The following TRAPPC10 variants were observed in gnomAD, a reference collection of about 807,000 sequenced individuals.
The protein encoded by TRAPPC10 is trafficking protein particle complex subunit 10.
In TRAPPC10, 23 loss-of-function variants were observed where a neutral mutation model predicts 125.5. That is an observed-to-expected ratio of 0.18 (90% confidence interval 0.13 to 0.26). The LOEUF (loss-of-function observed/expected upper bound fraction) is 0.26, where lower values mean the gene tolerates loss of function less well. TRAPPC10 is among the 10% of genes least tolerant of loss of function. TRAPPC10 has a pLI of 1.00. For missense variants in TRAPPC10, 1,123 were observed against 1,308.4 expected (o/e 0.86, Z 2.19); for synonymous variants, 509 against 518.0 (o/e 0.98, Z 0.24).
At chr21:44,034,755 A>C (rs957809401) in intron 2 of TRAPPC10, among the ~76,000 whole-genome samples, 1 of 152,206 alleles carries the variant, frequency 6.6e-6, no homozygotes, top group Admixed American at 6.5e-5. Flanking sequence ...GAATCCAATG[A>C]CAAGTGTCCT....
intron 11 of TRAPPC10, 70 bp from the exon 12 acceptor site, chr21:44,079,494 G>A: frequency 5.9e-6 from 9 of 1,525,640 alleles, no homozygotes; most frequent in Non-Finnish European, 7.9e-6. Flanking sequence ...GCCAAAGCGG[G>A]AGAGATGGGG....
chr21:44,055,212 T>A (rs2035491752), intron 4 of TRAPPC10, among the ~76,000 whole-genome samples: 1 of 152,196 alleles, frequency 6.6e-6, no homozygotes, highest in Non-Finnish European at 1.5e-5. Context: ...CTGTAGAACT[T>A]ACTGCTCGTG....
chr21:44,039,243 C>T (rs977977044), intron 3 of TRAPPC10, among the ~76,000 whole-genome samples: 11 of 152,346 alleles, frequency 7.2e-5, no homozygotes, highest in East Asian at 1.9e-4. Context: ...CACCCATCTC[C>T]GTCAGCCCGT....
intron 6 of TRAPPC10, among the ~76,000 whole-genome samples, chr21:44,061,622 C>T (rs564048422): frequency 5.9e-5 from 9 of 152,210 alleles, no homozygotes; most frequent in African/African-American, 2.2e-4. Context: ...TAGCAAAAAA[C>T]GTTTGAATTT....
At chr21:44,081,696 G>A (rs891309610) in intron 13 of TRAPPC10, among the ~76,000 whole-genome samples, 2 of 152,104 alleles carry the variant, frequency 1.3e-5, no homozygotes, top group African/African-American at 2.4e-5. Flanking sequence ...AGACCAGCCT[G>A]GGCAACATGG....
chr21:44,086,891 A>G lies in TRAPPC10; in HGVS notation c.2470A>G (p.Ser824Gly). Residue 824 changes from serine (S) to glycine (G), a missense_variant, in exon 16 of 23, where the codon AGC (serine) becomes GGC (glycine). Transcript: ENST00000291574. Reference protein sequence around the residue: ...TIKNGDSLQLSNAEAMLILCQ... With the variant: ...TIKNGDSLQLGNAEAMLILCQ... The stretch of plus-strand genomic sequence containing the variant: ...AAAGAATGGAGACAGCCTGCAGCTT[A>G]GCAATGCCGAAGCCATGCTCATCCT... The G allele has an allele frequency of 6.2e-7, 1 of 1,614,212 alleles. No homozygotes were observed. Among genetic ancestry groups the G allele is most frequent in the Non-Finnish European group, 8.5e-7 (1 of 1,180,036 alleles).
In TRAPPC10 at chr21:44,016,034, T is replaced by C. The variant is rs143087975; in HGVS notation, c.67+3474T>C. Among the ~76,000 whole-genome samples the C allele has an allele frequency of 8.5e-5, 13 of 152,342 alleles. No individual in the cohort carries two copies. The East Asian group carries it at 2.5e-3, about 29-fold the overall frequency. ...AGAACTAGTTACAGCTTGTAAATAC[T>C]GAAGAGTGTATGTGAAATGTGCAGG... On this transcript the variant is annotated intron_variant, in intron 1 of 22. Coordinates refer to ENST00000291574, the MANE Select transcript of TRAPPC10 (RefSeq NM_003274.5).
intron 1 of TRAPPC10, among the ~76,000 whole-genome samples, chr21:44,015,898 G>A (rs980993384): frequency 4.6e-5 from 7 of 152,194 alleles, no homozygotes; most frequent in African/African-American, 1.7e-4. Flanking sequence ...ACAGGCGTGA[G>A]CCCCCGCACC....
intron 3 of TRAPPC10, among the ~76,000 whole-genome samples, chr21:44,047,529 A>AGTGTGTGTGTGTGT (rs775813570): frequency 1.0e-3 from 106 of 104,464 alleles, no homozygotes; most frequent in East Asian, 3.6e-3. Context: ...TCTCTGGGGG[A>AGTGTGTGTGTGTGT]GTATGTGTGT....
chr21:44,022,752 C>A (rs921735262), intron 1 of TRAPPC10, among the ~76,000 whole-genome samples: 1 of 151,832 alleles, frequency 6.6e-6, no homozygotes, highest in Non-Finnish European at 1.5e-5. Context: ...TCTTCATGTT[C>A]CCTCTGTCTC....
intron 3 of TRAPPC10, among the ~76,000 whole-genome samples, chr21:44,039,533 A>G (rs1227091190): frequency 6.6e-6 from 1 of 152,094 alleles, no homozygotes; most frequent in Non-Finnish European, 1.5e-5. Context: ...CTGCCTCTCC[A>G]CCCTTTACGC....
intron 1 of TRAPPC10, among the ~76,000 whole-genome samples, chr21:44,028,258 G>A (rs959333429): frequency 6.6e-6 from 1 of 152,174 alleles, no homozygotes; most frequent in Non-Finnish European, 1.5e-5. Flanking sequence ...AATTGCAACT[G>A]CATAAATAAT....
At chr21:44,056,416 C>T (rs1318577246) in intron 5 of TRAPPC10, among the ~76,000 whole-genome samples, 2 of 152,090 alleles carry the variant, frequency 1.3e-5, no homozygotes, top group Non-Finnish European at 2.9e-5. Context: ...CACAGTCTCA[C>T]GGTGGCCCCC....
At chr21:44,048,683 G>A (rs2035024077) in intron 3 of TRAPPC10, among the ~76,000 whole-genome samples, 1 of 151,702 alleles carries the variant, frequency 6.6e-6, no homozygotes, top group African/African-American at 2.4e-5. Flanking sequence ...TCATAGAGAC[G>A]GGGTTTCACC....
At chr21:44,028,113 C>G (rs1601582810) in intron 1 of TRAPPC10, among the ~76,000 whole-genome samples, 1 of 152,138 alleles carries the variant, frequency 6.6e-6, no homozygotes, top group African/African-American at 2.4e-5. Flanking sequence ...TTCTTATTTG[C>G]TTTGAACATA....
chr21:44,012,416 C>T lies in TRAPPC10; in HGVS notation c.-78C>T. 8.5e-6 allele frequency: 8 copies of T among 939,126 alleles called. No homozygotes were observed. The highest frequency in any genetic ancestry group is 4.4e-5 in the South Asian group (1 of 22,808). 58.2% of individuals were successfully genotyped at this position (939,126 alleles called of 1,614,324 possible). The stretch of plus-strand genomic sequence containing the variant: ...CCGGGCGGGCGGCGCCGCTCAGGCT[C>T]GGGCTCCGGCTGGGCCCGGCGCGGC... On this transcript the variant is annotated 5_prime_UTR_variant, in exon 1 of 23. Coordinates refer to ENST00000291574, the MANE Select transcript of TRAPPC10 (RefSeq NM_003274.5).
chr21:44,094,890 GT>G (rs993980097), intron 20 of TRAPPC10, among the ~76,000 whole-genome samples: 5 of 151,910 alleles, frequency 3.3e-5, no homozygotes, highest in Admixed American at 1.3e-4. Context: ...GATATTAGCA[GT>G]TTTTTTCTAT....
At position 44,076,704 on chromosome 21, in the gene TRAPPC10, G is replaced by A. The variant is rs148758127; in HGVS notation, c.1377+76G>A. On this transcript the variant is annotated intron_variant, in intron 10 of 22. Coordinates refer to ENST00000291574, the MANE Select transcript of TRAPPC10 (RefSeq NM_003274.5). The stretch of plus-strand genomic sequence containing the variant: ...AAGGCTTTGCTACATGGCCTGTTGA[G>A]TTGGGAAGGAACTGGTGTGGGGGGC... The A allele has an allele frequency of 6.5e-3, 8,520 of 1,308,678 alleles. 52 individuals carry two copies. The highest frequency in any genetic ancestry group is 7.4e-3 in the Non-Finnish European group (6,745 of 913,190). The allele number at this position is 1,308,678 out of a possible 1,614,324, so 81.1% of individuals were successfully genotyped here. A position where few individuals can be genotyped will look rare whatever the true frequency, so the allele number is the denominator to read the frequency against.
chr21:44,034,700 G>C (rs530349663), intron 2 of TRAPPC10, among the ~76,000 whole-genome samples: 1 of 152,220 alleles, frequency 6.6e-6, no homozygotes, highest in Non-Finnish European at 1.5e-5. Flanking sequence ...ATATGGTTAA[G>C]ATAAGGACCT....
Sources: gnomAD v4.1 joint callset for allele counts (sites outside exome capture counted in the v4.1 genomes callset) on GRCh38, gnomAD v4.1.1 for gene constraint, MANE v1.5 for transcripts, NCBI Gene and HGNC (gene_info 2026-07-23, HGNC 2026-07-21) for gene names.